TDRD10: variants seen among roughly 807,000 people sequenced by gnomAD.
TDRD10 encodes the protein tudor domain-containing protein 10.
Under a neutral mutation model 48.0 loss-of-function variants are expected in TDRD10, and 40 were observed. The observed-to-expected ratio is 0.83, with a 90% CI of 0.65 to 1.09. The LOEUF (loss-of-function observed/expected upper bound fraction) is 1.09, where lower values mean the gene tolerates loss of function less well. TDRD10 is among the 50% of genes least tolerant of loss of function. The pLI is 0.00. For synonymous variants in TDRD10, 162 were observed against 170.4 expected, an observed-to-expected ratio of 0.95 and a Z score of 0.38; for missense variants, 378 against 434.7, an observed-to-expected ratio of 0.87 and a Z score of 1.16.
At chr1:154,509,922 C>A (rs760619792) in intron 4 of TDRD10, 26 of 956,902 alleles carry the variant, frequency 2.7e-5, no homozygotes, top group South Asian at 1.5e-4. Context: ...CCCCAGTAGA[C>A]CCCATTCCAG....
chr1:154,523,025 C>T (rs998724477), intron 6 of TDRD10, among the ~76,000 whole-genome samples: 3 of 152,114 alleles, frequency 2.0e-5, no homozygotes, highest in Admixed American at 1.3e-4. Flanking sequence ...AAGGGATTCT[C>T]CCACCTCAGC....
chr1:154,544,727 G>C, intron 10 of TDRD10, 68 bp from the exon 11 acceptor site: 6 of 1,569,676 alleles, frequency 3.8e-6, no homozygotes, highest in Non-Finnish European at 5.2e-6. Flanking sequence ...CATCCACTTT[G>C]TTGAGGACTG....
chr1:154,514,772 C>T (rs937511719), intron 4 of TDRD10, among the ~76,000 whole-genome samples: 22 of 152,062 alleles, frequency 1.4e-4, no homozygotes, highest in Non-Finnish European at 2.6e-4. Flanking sequence ...ACTGCAGCCT[C>T]GACCTCCCGG....
intron 4 of TDRD10, among the ~76,000 whole-genome samples, chr1:154,510,318 T>C (rs967298065): frequency 2.7e-5 from 4 of 150,592 alleles, no homozygotes; most frequent in Non-Finnish European, 5.9e-5. Flanking sequence ...ATGGGCTGGG[T>C]GCGGTCGTTC....
intron 11 of TDRD10, among the ~76,000 whole-genome samples, chr1:154,547,154 T>C (rs940375998): frequency 3.9e-5 from 6 of 152,198 alleles, no homozygotes; most frequent in Admixed American, 1.3e-4. Context: ...CCCAGATCCC[T>C]GTAATTATTT....
At chr1:154,542,577 A>G (rs995513941) in intron 7 of TDRD10, among the ~76,000 whole-genome samples, 154 bp from the exon 8 acceptor site, 1 of 152,172 alleles carries the variant, frequency 6.6e-6, no homozygotes, top group Non-Finnish European at 1.5e-5. Flanking sequence ...TCCCGCCCAG[A>G]TGAGAATCTA....
chr1:154,525,431 A>G (rs549189520), intron 6 of TDRD10, among the ~76,000 whole-genome samples: 62 of 152,354 alleles, frequency 4.1e-4, no homozygotes, highest in African/African-American at 1.4e-3. Context: ...AAAAACACTT[A>G]GAACTGAATA....
chr1:154,514,099 A>G (rs1693623685), intron 4 of TDRD10, among the ~76,000 whole-genome samples: 1 of 152,210 alleles, frequency 6.6e-6, no homozygotes, highest in Admixed American at 6.5e-5. Context: ...CTGAGACAGG[A>G]GAATTGTTTG....
chr1:154,542,948 A>C (rs1695328486), intron 8 of TDRD10, 127 bp downstream of exon 8: 1 of 659,166 alleles, frequency 1.5e-6, no homozygotes, highest in South Asian at 1.9e-5. Context: ...TGTCAGACCC[A>C]GGCTGTAAGG....
Position 154,547,901 on chromosome 1 carries a change from T to A in TDRD10, c.*191T>A. On this transcript the variant is annotated 3_prime_UTR_variant, in exon 13 of 13. Coordinates refer to ENST00000368482, the MANE Select transcript of TDRD10 (RefSeq NM_182499.4). ...AGAGAGTGAAGTCTCATTTGTCATG[T>A]GTCTTCAGTTCCCCAACTTGGCATG... 1.6e-6 allele frequency: 1 copy of A among 643,916 alleles called. No homozygotes were observed. Among genetic ancestry groups the A allele is most frequent in the Non-Finnish European group, 2.7e-6 (1 of 372,802 alleles). 39.9% of individuals were successfully genotyped at this position (643,916 alleles called of 1,614,324 possible).
intron 4 of TDRD10, among the ~76,000 whole-genome samples, chr1:154,510,772 C>T (rs1251297413): frequency 4.6e-5 from 7 of 151,238 alleles, no homozygotes; most frequent in Non-Finnish European, 7.4e-5. Flanking sequence ...TCAGGCCAGG[C>T]GCGGTGGCTC....
At chr1:154,528,207 C>T (rs1054984578) in intron 6 of TDRD10, among the ~76,000 whole-genome samples, 12 of 121,816 alleles carry the variant, frequency 9.9e-5, no homozygotes, top group Admixed American at 7.0e-4. Flanking sequence ...AGGGAAACCT[C>T]GTCTCTTAAA....
At chr1:154,506,983 A>G (rs1693184219) in intron 2 of TDRD10, 78 bp downstream of exon 2, 2 of 1,613,470 alleles carry the variant, frequency 1.2e-6, no homozygotes, top group African/African-American at 1.3e-5. Context: ...CTGTCTCACC[A>G]TGCCCTGGTC....
chr1:154,516,232 G>A (rs917069308), intron 4 of TDRD10, among the ~76,000 whole-genome samples: 2 of 152,196 alleles, frequency 1.3e-5, no homozygotes, highest in Non-Finnish European at 2.9e-5. Context: ...GTAGCAGGAG[G>A]GGTGTATGGG....
rs117159299 is a variant in TDRD10, at chr1:154,523,185, C to T, written c.369+1706C>T. Among the ~76,000 whole-genome samples the T allele has an allele frequency of 7.9e-5, 12 of 152,324 alleles. No individual in the cohort carries two copies. The East Asian group carries it at 2.3e-3, about 29-fold the overall frequency. ...CCTCCCAAAGTGCTGGGATTACAGG[C>T]ATGAGCCACTGCACCCCACCTGGAT... is the stretch of plus-strand genomic sequence containing the variant. On this transcript the variant is annotated intron_variant, in intron 6 of 12. Coordinates refer to ENST00000368482, the MANE Select transcript of TDRD10 (RefSeq NM_182499.4).
chr1:154,507,187 C>T (rs1052825810), intron 2 of TDRD10, 54 bp from the exon 3 acceptor site: 1 of 1,610,910 alleles, frequency 6.2e-7, no homozygotes, highest in South Asian at 1.1e-5. Context: ...GACACGTTTC[C>T]TTTTGTCGGA....
At position 154,544,366 on chromosome 1, in the gene TDRD10, C is replaced by T; in HGVS notation, c.652-6C>T. On this transcript the variant is annotated splice_region_variant and splice_polypyrimidine_tract_variant and intron_variant, in intron 9 of 12. Coordinates refer to ENST00000368482, the MANE Select transcript of TDRD10 (RefSeq NM_182499.4). The stretch of plus-strand genomic sequence containing the variant: ...CAGTGGGGCCGTTGCGTTTTGCACC[C>T]CACAGGCTCTGCACCAGAACATGCA... 1 of 1,577,358 alleles carries T rather than the reference C, an allele frequency of 6.3e-7. No homozygotes were observed. The highest frequency in any genetic ancestry group is 8.6e-7 in the Non-Finnish European group (1 of 1,161,390).
At chr1:154,523,155 C>G (rs1184214389) in intron 6 of TDRD10, among the ~76,000 whole-genome samples, 1 of 152,208 alleles carries the variant, frequency 6.6e-6, no homozygotes, top group Non-Finnish European at 1.5e-5. Context: ...ATCCGTCCAC[C>G]TCAGCCTCCC....
chr1:154,507,386 G>A lies in TDRD10; in HGVS notation c.82+66G>A, dbSNP rs1330639550. On this transcript the variant is annotated intron_variant, in intron 3 of 12. Coordinates refer to ENST00000368482, the MANE Select transcript of TDRD10 (RefSeq NM_182499.4). ...TCCTACAACTTGGATTCCAGTTAAT[G>A]GTTCCCAGTCTGCCCAGTTTCTGTT... 27 of 1,571,990 alleles carry A rather than the reference G, an allele frequency of 1.7e-5. No homozygotes were observed. In the Middle Eastern group the frequency reaches 7.4e-4, roughly 43 times the overall value.
Sources: gnomAD v4.1 joint callset for allele counts (sites outside exome capture counted in the v4.1 genomes callset) on GRCh38, gnomAD v4.1.1 for gene constraint, MANE v1.5 for transcripts, NCBI Gene and HGNC (gene_info 2026-07-23, HGNC 2026-07-21) for gene names.